TSPAN5: variants seen among roughly 807,000 people sequenced by gnomAD.
The protein encoded by TSPAN5 is tetraspanin 5, also known as tetraspanin-5.
A neutral mutation model predicts 37.1 loss-of-function variants in TSPAN5; 10 were observed. That is an observed-to-expected ratio of 0.27 (90% confidence interval 0.17 to 0.46). The LOEUF is 0.46. TSPAN5 is among the 20% of genes least tolerant of loss of function. The pLI, the probability that TSPAN5 is intolerant of heterozygous loss-of-function variation, is 1.00. For synonymous variants in TSPAN5, 110 were observed against 118.9 expected (o/e 0.93, Z 0.48); for missense variants, 195 against 326.6 (o/e 0.60, Z 3.11).
Position 98,497,939 on chromosome 4 carries a change from C to T in TSPAN5, c.132+9739G>A, listed in dbSNP as rs147411298. 5.9e-3 allele frequency among the ~76,000 whole-genome samples: 897 copies of T among 152,138 alleles called. 4 individuals are homozygous for T. The highest frequency in any genetic ancestry group is 8.9e-3 in the Non-Finnish European group (608 of 68,004). ...AGAAGAGATGAAGAGGCTGGTTGGG[C>T]GAGGCTGGGTTTGTATCTGAGGGCA... is the stretch of plus-strand genomic sequence containing the variant. On this transcript the variant is annotated intron_variant, in intron 2 of 7. Coordinates refer to ENST00000305798, the MANE Select transcript of TSPAN5 (RefSeq NM_005723.4).
intron 2 of TSPAN5, among the ~76,000 whole-genome samples, chr4:98,497,643 C>T (rs541996808): frequency 2.6e-5 from 4 of 152,304 alleles, no homozygotes; most frequent in African/African-American, 9.6e-5. Flanking sequence ...AAATATGAGA[C>T]TCGTTCATTT....
chr4:98,548,205 C>CA (rs1263689895), intron 1 of TSPAN5, among the ~76,000 whole-genome samples: 1 of 151,898 alleles, frequency 6.6e-6, no homozygotes, highest in African/African-American at 2.4e-5. Context: ...ACATTCATGG[C>CA]AAAAAATTAG....
intron 1 of TSPAN5, among the ~76,000 whole-genome samples, chr4:98,531,728 T>G (rs573190593): frequency 6.6e-6 from 1 of 152,308 alleles, no homozygotes; most frequent in South Asian, 2.1e-4. Flanking sequence ...CAGCATCTGT[T>G]GTTTCCTGAC....
chr4:98,580,382 G>A (rs1183644777), intron 1 of TSPAN5, among the ~76,000 whole-genome samples: 10 of 152,170 alleles, frequency 6.6e-5, no homozygotes, highest in Admixed American at 6.5e-4. Flanking sequence ...AAGTTGTCCA[G>A]CTGACCTTTT....
chr4:98,540,611 T>A (rs933064794), intron 1 of TSPAN5, among the ~76,000 whole-genome samples: 3 of 152,194 alleles, frequency 2.0e-5, no homozygotes, highest in Non-Finnish European at 4.4e-5. Flanking sequence ...GTCCTGGGAT[T>A]ACAGACGTGA....
intron 1 of TSPAN5, among the ~76,000 whole-genome samples, chr4:98,626,142 T>A (rs1469877560): frequency 6.6e-6 from 1 of 150,798 alleles, no homozygotes; most frequent in Non-Finnish European, 1.5e-5. Context: ...GGTTTCCCAG[T>A]GAAGAAATCT....
At chr4:98,512,217 A>G (rs1753624009) in intron 1 of TSPAN5, among the ~76,000 whole-genome samples, 1 of 151,974 alleles carries the variant, frequency 6.6e-6, no homozygotes, top group Non-Finnish European at 1.5e-5. Context: ...GTCTCAAACA[A>G]AAAAGAAAAA....
At chr4:98,487,423 G>A (rs1418930567) in intron 2 of TSPAN5, among the ~76,000 whole-genome samples, 1 of 152,150 alleles carries the variant, frequency 6.6e-6, no homozygotes, top group Non-Finnish European at 1.5e-5. Context: ...AGAGGGGGGA[G>A]GTCATCTTCT....
intron 1 of TSPAN5, among the ~76,000 whole-genome samples, chr4:98,571,979 TTTATTTATTTAG>T (rs1379560224): frequency 1.1e-5 from 1 of 88,186 alleles, no homozygotes; most frequent in Non-Finnish European, 2.4e-5. Context: ...TATTTATTTA[TTTATTTATTTAG>T]AGACACAGTC....
At chr4:98,568,402 C>T (rs145547800) in intron 1 of TSPAN5, among the ~76,000 whole-genome samples, 1 of 152,168 alleles carries the variant, frequency 6.6e-6, no homozygotes, top group African/African-American at 2.4e-5. Context: ...ATTAGCTGGG[C>T]GTGGTGGCAC....
At chr4:98,516,545 G>C (rs1753733950) in intron 1 of TSPAN5, among the ~76,000 whole-genome samples, 1 of 152,172 alleles carries the variant, frequency 6.6e-6, no homozygotes, top group Non-Finnish European at 1.5e-5. Context: ...AAGCTACTTT[G>C]GGGGCATTCT....
chr4:98,484,639 T>G (rs1353411627), intron 3 of TSPAN5: 1 of 445,640 alleles, frequency 2.2e-6, no homozygotes, highest in Non-Finnish European at 4.4e-6. Context: ...GCCACCACTA[T>G]AAATGAAACT....
At chr4:98,506,171 C>T (rs1164794639) in intron 2 of TSPAN5, among the ~76,000 whole-genome samples, 1 of 152,162 alleles carries the variant, frequency 6.6e-6, no homozygotes, top group Non-Finnish European at 1.5e-5. Context: ...GAAATGGACT[C>T]TTATTAAAGG....
rs79224750 is a variant in TSPAN5, at chr4:98,499,184, C to T, written c.132+8494G>A. Among the ~76,000 whole-genome samples, 143 of 152,342 alleles carry T rather than the reference C, an allele frequency of 9.4e-4. 2 individuals carry two copies. The East Asian group carries it at 0.024, about 25-fold the overall frequency. ...AAGACCAGGATATTCTCCTCTTTAA[C>T]TTCCACCAGGCCCAGAGAGCACAGC... is the stretch of plus-strand genomic sequence containing the variant. On this transcript the variant is annotated intron_variant, in intron 2 of 7. Coordinates refer to ENST00000305798, the MANE Select transcript of TSPAN5 (RefSeq NM_005723.4).
intron 1 of TSPAN5, among the ~76,000 whole-genome samples, chr4:98,576,067 T>TA (rs924644548): frequency 4.6e-5 from 7 of 152,066 alleles, no homozygotes; most frequent in African/African-American, 1.4e-4. Flanking sequence ...AGACTCCATC[T>TA]AAAAAAACAA....
At chr4:98,644,592 C>T (rs759216790) in intron 1 of TSPAN5, among the ~76,000 whole-genome samples, 1 of 151,776 alleles carries the variant, frequency 6.6e-6, no homozygotes, top group Non-Finnish European at 1.5e-5. Context: ...CATGCTGGTG[C>T]GCTGCACCCA....
intron 1 of TSPAN5, among the ~76,000 whole-genome samples, chr4:98,524,374 C>A (rs1285249470): frequency 6.6e-6 from 1 of 152,154 alleles, no homozygotes; most frequent in African/African-American, 2.4e-5. Flanking sequence ...GAAAAATAAG[C>A]TGGCTGGAAG....
chr4:98,473,266 G>C (rs1034106264), intron 7 of TSPAN5, among the ~76,000 whole-genome samples: 1 of 152,134 alleles, frequency 6.6e-6, no homozygotes, highest in African/African-American at 2.4e-5. Flanking sequence ...GTTTCCCAAA[G>C]AGGTTGCAAC....
chr4:98,647,401 T>A (rs1348151814), intron 1 of TSPAN5, among the ~76,000 whole-genome samples: 1 of 152,220 alleles, frequency 6.6e-6, no homozygotes, highest in Non-Finnish European at 1.5e-5. Context: ...GAGAAATGCT[T>A]AAGTCAAGTA....
Sources: allele counts gnomAD v4.1 joint callset (sites outside exome capture counted in the v4.1 genomes callset), GRCh38; gene constraint gnomAD v4.1.1; transcripts MANE v1.5; gene names NCBI Gene and HGNC (gene_info 2026-07-23, HGNC 2026-07-21).